The following TSPEAR variants were observed in gnomAD, a reference collection of about 807,000 sequenced individuals.
The protein encoded by TSPEAR is thrombospondin-type laminin G domain and EAR repeat-containing protein.
A neutral mutation model predicts 71.6 loss-of-function variants in TSPEAR; 69 were observed. The ratio of observed to expected loss-of-function variants is 0.96; its 90% CI spans 0.79 to 1.18. The LOEUF (loss-of-function observed/expected upper bound fraction) is 1.18. TSPEAR is among the 50% of genes most tolerant of loss of function. TSPEAR has a pLI of 0.00. For synonymous variants in TSPEAR, 402 were observed against 387.2 expected (o/e 1.04, Z -0.45); for missense variants, 971 against 894.9 (o/e 1.09, Z -1.09).
In TSPEAR at chr21:44,504,686, T is replaced by G. The variant is rs1474060836; in HGVS notation, c.1856+94A>C. 1.3e-3 allele frequency: 663 copies of G among 495,200 alleles called. 1 individual carries two copies. Among genetic ancestry groups the G allele is most frequent in the Non-Finnish European group, 1.6e-3 (442 of 279,306 alleles). 30.7% of individuals were successfully genotyped at this position (495,200 alleles called of 1,614,324 possible). A position where few individuals can be genotyped will look rare whatever the true frequency, so the allele number is the denominator to read the frequency against. ...GAGGCCGGCCTCGGTGAGCCCACAG[T>G]GGGGAAGCAAGTCTCTTGGAGGAGG... On this transcript the variant is annotated intron_variant, in intron 11 of 11. Transcript: ENST00000323084.
chr21:44,622,291 C>G (rs1982490219), intron 1 of TSPEAR, among the ~76,000 whole-genome samples: 1 of 152,192 alleles, frequency 6.6e-6, no homozygotes, highest in Non-Finnish European at 1.5e-5. Flanking sequence ...TTGGTTTTTG[C>G]TTACGCAAGG....
chr21:44,603,764 A>C (rs1406605869), intron 1 of TSPEAR, among the ~76,000 whole-genome samples: 5 of 152,244 alleles, frequency 3.3e-5, no homozygotes, highest in Non-Finnish European at 5.9e-5. Flanking sequence ...TCACCTGGAC[A>C]TTCACCATTT....
intron 2 of TSPEAR, among the ~76,000 whole-genome samples, chr21:44,545,522 T>C (rs2053290626): frequency 6.6e-6 from 1 of 152,094 alleles, no homozygotes; most frequent in Admixed American, 6.5e-5. Context: ...GCCACAAAAC[T>C]AGTCTTAATA....
chr21:44,532,062 G>A (rs11911092), intron 3 of TSPEAR, among the ~76,000 whole-genome samples: 6,057 of 152,288 alleles, frequency 0.04, 413 homozygotes, highest in African/African-American at 0.14. Context: ...CACACAGCTC[G>A]GCCTCTGCTA....
chr21:44,585,634 C>T (rs1555925587), intron 1 of TSPEAR, among the ~76,000 whole-genome samples: 1 of 152,146 alleles, frequency 6.6e-6, no homozygotes, highest in Non-Finnish European at 1.5e-5. Context: ...AGCTCTTCTG[C>T]CTCAGGGTCT....
chr21:44,528,729 G>T, intron 5 of TSPEAR, 146 bp from the exon 6 acceptor site: 3 of 1,062,934 alleles, frequency 2.8e-6, no homozygotes, highest in Non-Finnish European at 4.0e-6. Context: ...CTTGGCACAA[G>T]CCTGCCACAT....
At chr21:44,510,632 G>A (rs1251756674) in intron 9 of TSPEAR, 1 of 152,296 alleles carries the variant, frequency 6.6e-6, no homozygotes, top group Non-Finnish European at 1.5e-5. Context: ...GAAAACTCTG[G>A]GCCCAACGTC....
At chr21:44,562,320 G>A (rs1279929592) in intron 2 of TSPEAR, among the ~76,000 whole-genome samples, 1 of 152,022 alleles carries the variant, frequency 6.6e-6, no homozygotes, top group East Asian at 1.9e-4. Context: ...CACTGCTCAA[G>A]GAAATAAGAG....
intron 1 of TSPEAR, among the ~76,000 whole-genome samples, chr21:44,686,897 A>C (rs1986886146): frequency 6.6e-6 from 1 of 152,200 alleles, no homozygotes; most frequent in Non-Finnish European, 1.5e-5. Context: ...CTTCCTGACC[A>C]AGACAATGTC....
At chr21:44,539,060 G>A in intron 2 of TSPEAR, 2 of 646,386 alleles carry the variant, frequency 3.1e-6, no homozygotes, top group Non-Finnish European at 5.2e-6. Flanking sequence ...ACCCAGAGCA[G>A]AGAAGCTGGG....
At chr21:44,643,331 T>C (rs587736812) in intron 1 of TSPEAR, among the ~76,000 whole-genome samples, 60 of 152,236 alleles carry the variant, frequency 3.9e-4, no homozygotes, top group Admixed American at 2.1e-3. Context: ...GGAAACCTCA[T>C]GTGCAGCATG....
chr21:44,624,542 G>A (rs1187019395), intron 1 of TSPEAR, among the ~76,000 whole-genome samples: 9 of 152,204 alleles, frequency 5.9e-5, no homozygotes, highest in Non-Finnish European at 2.9e-5. Context: ...TTTCTGGGAG[G>A]CACTTAGGCT....
chr21:44,702,828 G>A (rs1471496735), intron 1 of TSPEAR: 1 of 1,075,264 alleles, frequency 9.3e-7, no homozygotes, highest in South Asian at 1.4e-5. Context: ...GGCCAGCCAG[G>A]CTCAGGTTCC....
intron 9 of TSPEAR, chr21:44,510,675 C>T (rs1451418706): frequency 1.3e-5 from 2 of 152,296 alleles, no homozygotes; most frequent in African/African-American, 2.4e-5. Context: ...CAGGGGGCGC[C>T]GTTGCCCGCC....
At chr21:44,584,156 T>A (rs1465863833) in intron 1 of TSPEAR, among the ~76,000 whole-genome samples, 1 of 152,270 alleles carries the variant, frequency 6.6e-6, no homozygotes, top group East Asian at 1.9e-4. Flanking sequence ...TTGGCTTTTT[T>A]AGATTCCACA....
At chr21:44,502,687 G>C (rs1205718609) in intron 11 of TSPEAR, among the ~76,000 whole-genome samples, 1 of 152,264 alleles carries the variant, frequency 6.6e-6, no homozygotes, top group Non-Finnish European at 1.5e-5. Flanking sequence ...CCCCAGCTCA[G>C]ATCCCACACG....
At chr21:44,654,598 T>A in intron 1 of TSPEAR, 12 of 1,571,518 alleles carry the variant, frequency 7.6e-6, no homozygotes, top group Non-Finnish European at 1.0e-5. Context: ...GCCCGAAGAG[T>A]GGCTGGTGTG....
chr21:44,676,422 C>A, intron 1 of TSPEAR: 1 of 1,129,496 alleles, frequency 8.9e-7, no homozygotes, highest in South Asian at 1.3e-5. Flanking sequence ...TTAATGCCTC[C>A]ACTGAAAGCC....
intron 1 of TSPEAR, among the ~76,000 whole-genome samples, chr21:44,586,207 T>C (rs587604276): frequency 2.4e-4 from 36 of 152,350 alleles, no homozygotes; most frequent in South Asian, 4.1e-4. Context: ...TCATGTGCTG[T>C]CCCTGTGTCA....
Sources: allele counts gnomAD v4.1 joint callset (sites outside exome capture counted in the v4.1 genomes callset), GRCh38; gene constraint gnomAD v4.1.1; transcripts MANE v1.5; gene names NCBI Gene and HGNC (gene_info 2026-07-23, HGNC 2026-07-21).